RP1: variants seen among roughly 807,000 people sequenced by gnomAD.
RP1 encodes oxygen-regulated protein 1.
A neutral mutation model predicts 14.8 loss-of-function variants in RP1; 16 were observed. The ratio of observed to expected loss-of-function variants is 1.08; its 90% CI spans 0.73 to 1.65. The LOEUF is 1.65. RP1 is among the 40% of genes most tolerant of loss of function. The probability of loss-of-function intolerance (pLI) is 0.00; values close to 1 mark genes in which losing one functional copy is unlikely to be tolerated. For missense variants in RP1, 2,631 were observed against 2,535.0 expected, an observed-to-expected ratio of 1.04 and a Z score of -0.81; for synonymous variants, 876 against 883.6, an observed-to-expected ratio of 0.99 and a Z score of 0.15.
intron 25 of RP1, among the ~76,000 whole-genome samples, chr8:54,842,647 C>A (rs148911628): frequency 5.3e-5 from 8 of 152,256 alleles, no homozygotes; most frequent in Non-Finnish European, 1.0e-4. Flanking sequence ...GTTCTCAACC[C>A]CACTGACAGA....
At chr8:54,839,481 G>C (rs917878023) in intron 25 of RP1, among the ~76,000 whole-genome samples, 10 of 152,180 alleles carry the variant, frequency 6.6e-5, no homozygotes, top group African/African-American at 2.4e-4. Context: ...AAGTCGTTCT[G>C]TCTTCATGGC....
At chr8:54,575,401 T>A (rs1042360703) in intron 1 of RP1, among the ~76,000 whole-genome samples, 4 of 152,194 alleles carry the variant, frequency 2.6e-5, no homozygotes, top group Non-Finnish European at 5.9e-5. Flanking sequence ...TTTTTAATTT[T>A]TAGTTTTTGT....
chr8:54,784,850 A>G (rs922796117), intron 24 of RP1, among the ~76,000 whole-genome samples: 4 of 152,044 alleles, frequency 2.6e-5, no homozygotes, highest in Non-Finnish European at 5.9e-5. Context: ...TCTTTTTGTT[A>G]AAAGTGGTTT....
chr8:54,631,906 A>C (rs1457529120), downstream of RP1, among the ~76,000 whole-genome samples: 1 of 151,416 alleles, frequency 6.6e-6, no homozygotes, highest in African/African-American at 2.4e-5. Flanking sequence ...CAATGGTGCG[A>C]TCTCGGCTCA....
At position 54,625,864 on chromosome 8, in the gene RP1, A is replaced by C; in HGVS notation, c.1982A>C (p.Glu661Ala). Residue 661 changes from glutamate to alanine, a missense_variant, in exon 4 of 4, where the codon GAA becomes GCA. By Grantham distance (107) the Glu-to-Ala change is moderately radical. Transcript: ENST00000220676. ...GGTTTAACAAAACTTCCAAAAAATG[A>C]AAAGAAGATTTTGTCATCTGTTGCC... ...QCGLTKLPKN[E>A]KKILSSVASK... 6.2e-7 allele frequency: 1 copy of C among 1,613,792 alleles called. No individual in the cohort carries two copies.
intron 25 of RP1, among the ~76,000 whole-genome samples, chr8:54,849,376 T>C (rs1812006941): frequency 6.6e-6 from 1 of 152,092 alleles, no homozygotes; most frequent in Non-Finnish European, 1.5e-5. Flanking sequence ...CTTGGACAAA[T>C]TTTTTGCACA....
chr8:54,700,355 G>T (rs2129343078), intron 13 of RP1, among the ~76,000 whole-genome samples: 1 of 151,686 alleles, frequency 6.6e-6, no homozygotes, highest in East Asian at 1.9e-4. Flanking sequence ...ATTACAGGCT[G>T]ATTTCAACTC....
chr8:54,576,001 A>G (rs1163889985), intron 1 of RP1, among the ~76,000 whole-genome samples: 1 of 151,326 alleles, frequency 6.6e-6, no homozygotes, highest in African/African-American at 2.4e-5. Flanking sequence ...TGTGCTATTT[A>G]TATATCCTAG....
At chr8:54,574,244 A>T (rs1220963288) in intron 1 of RP1, among the ~76,000 whole-genome samples, 1 of 152,210 alleles carries the variant, frequency 6.6e-6, no homozygotes, top group African/African-American at 2.4e-5. Flanking sequence ...TATCATGATA[A>T]CAGGGAGGCT....
chr8:54,864,125 C>T (rs568368832), intron 27 of RP1, among the ~76,000 whole-genome samples: 1 of 152,200 alleles, frequency 6.6e-6, no homozygotes, highest in Non-Finnish European at 1.5e-5. Flanking sequence ...GTTGACACTG[C>T]CACCATTTGA....
intron 15 of RP1, among the ~76,000 whole-genome samples, chr8:54,707,392 G>A (rs1445701470): frequency 6.6e-6 from 1 of 152,146 alleles, no homozygotes; most frequent in Non-Finnish European, 1.5e-5. Context: ...CAAAGTGCTG[G>A]AATTATAGGC....
chr8:54,718,659 T>G (rs1410730466), intron 15 of RP1, among the ~76,000 whole-genome samples: 1 of 152,144 alleles, frequency 6.6e-6, no homozygotes, highest in African/African-American at 2.4e-5. Context: ...TACAATGGAG[T>G]ATTATTCATC....
At chr8:54,739,484 T>A (rs1809016714) in intron 19 of RP1, among the ~76,000 whole-genome samples, 1 of 151,848 alleles carries the variant, frequency 6.6e-6, no homozygotes, top group South Asian at 2.1e-4. Flanking sequence ...TATGGTTCAT[T>A]CTTGCGAAAG....
intron 16 of RP1, chr8:54,720,451 A>G: frequency 2.7e-6 from 2 of 742,104 alleles, no homozygotes; most frequent in Non-Finnish European, 4.2e-6. Flanking sequence ...CAATGGAAGG[A>G]AAACATAATG....
In RP1 at chr8:54,744,394, C is replaced by T. The variant is rs909994536; in HGVS notation, c.2808+5365C>T. ...AGTGGGGACATGAGTCAGAGAGCCC[C>T]GAAGGGAAGGTTATGAAATATTTCA... On this transcript the variant is annotated intron_variant, in intron 19 of 22. Coordinates refer to the RP1 transcript ENST00000636932. Among the ~76,000 whole-genome samples, 13 of 152,120 alleles carry T rather than the reference C, an allele frequency of 8.5e-5. No homozygotes were observed. The South Asian group carries it at 2.5e-3, about 29-fold the overall frequency.
At chr8:54,638,266 T>C (rs905378162) in intron 3 of RP1, among the ~76,000 whole-genome samples, 2 of 152,044 alleles carry the variant, frequency 1.3e-5, no homozygotes, top group African/African-American at 4.8e-5. Flanking sequence ...AGTGAAACCC[T>C]GTCTCTACTA....
chr8:54,841,218 G>A (rs1205532846), intron 25 of RP1, among the ~76,000 whole-genome samples: 1 of 152,162 alleles, frequency 6.6e-6, no homozygotes, highest in East Asian at 1.9e-4. Flanking sequence ...GAGAAGAGAA[G>A]GAAGGAAATG....
At chr8:54,836,233 T>C (rs1036928028) in intron 24 of RP1, among the ~76,000 whole-genome samples, 1 of 152,166 alleles carries the variant, frequency 6.6e-6, no homozygotes, top group Non-Finnish European at 1.5e-5. Flanking sequence ...CAGGTCATTG[T>C]GGGGATTAGG....
chr8:54,735,434 C>T (rs1282596742), intron 18 of RP1, among the ~76,000 whole-genome samples: 1 of 152,120 alleles, frequency 6.6e-6, no homozygotes, highest in Non-Finnish European at 1.5e-5. Flanking sequence ...AGCTGTGTGG[C>T]TCTTTGGTGT....
Sources: gnomAD v4.1 joint callset for allele counts (sites outside exome capture counted in the v4.1 genomes callset) on GRCh38, gnomAD v4.1.1 for gene constraint, MANE v1.5 for transcripts, NCBI Gene and HGNC (gene_info 2026-07-23, HGNC 2026-07-21) for gene names.